DLGAP1: variants seen among roughly 807,000 people sequenced by gnomAD.
The protein encoded by DLGAP1 is DLG associated protein 1.
A neutral mutation model predicts 90.8 loss-of-function variants in DLGAP1; 11 were observed. That is an observed-to-expected ratio of 0.12 (90% CI 0.08 to 0.20). The LOEUF is 0.20. Among genes scored for constraint, DLGAP1 ranks in the 10% least tolerant of loss-of-function variants. The pLI is 1.00. For synonymous variants in DLGAP1, 558 were observed against 540.7 expected (o/e 1.03, Z -0.44); for missense variants, 1,050 against 1,333.8 (o/e 0.79, Z 3.31).
chr18:3,741,199 A>C (rs2062986957), intron 6 of DLGAP1, among the ~76,000 whole-genome samples: 2 of 65,100 alleles, frequency 3.1e-5, no homozygotes, highest in Non-Finnish European at 3.1e-5. Flanking sequence ...CACCACCACC[A>C]AATCACCACC....
chr18:3,835,165 A>T (rs2068295665), intron 4 of DLGAP1, among the ~76,000 whole-genome samples: 1 of 152,168 alleles, frequency 6.6e-6, no homozygotes, highest in South Asian at 2.1e-4. Flanking sequence ...TTAAACTTTG[A>T]ATTTTCCCAT....
At chr18:3,602,105 G>A (rs1465103453) in intron 7 of DLGAP1, among the ~76,000 whole-genome samples, 1 of 152,114 alleles carries the variant, frequency 6.6e-6, no homozygotes, top group African/African-American at 2.4e-5. Flanking sequence ...TGTACAAGCC[G>A]GGTGCCGCGC....
At chr18:4,451,808 A>T (rs1210879887) in intron 1 of DLGAP1, among the ~76,000 whole-genome samples, 1 of 152,202 alleles carries the variant, frequency 6.6e-6, no homozygotes, top group Non-Finnish European at 1.5e-5. Context: ...ATTTTTCTAC[A>T]ATGCTAGCAA....
At chr18:3,577,774 G>A (rs2055243314) in intron 8 of DLGAP1, among the ~76,000 whole-genome samples, 1 of 152,044 alleles carries the variant, frequency 6.6e-6, no homozygotes, top group Non-Finnish European at 1.5e-5. Flanking sequence ...TTTACTCTTA[G>A]CTCCAAATAT....
intron 11 of DLGAP1, among the ~76,000 whole-genome samples, chr18:3,502,950 G>A (rs1018025009): frequency 7.9e-5 from 12 of 151,438 alleles, no homozygotes; most frequent in South Asian, 4.2e-4. Context: ...ACTACAGGAC[G>A]TATTTTAAAA....
intron 5 of DLGAP1, among the ~76,000 whole-genome samples, chr18:3,783,741 C>T (rs1247972125): frequency 6.6e-6 from 1 of 152,092 alleles, no homozygotes; most frequent in African/African-American, 2.4e-5. Context: ...GCATCGTACA[C>T]TTAAAAAATG....
intron 7 of DLGAP1, among the ~76,000 whole-genome samples, chr18:3,668,232 T>A (rs896209307): frequency 6.6e-6 from 1 of 152,200 alleles, no homozygotes; most frequent in Admixed American, 6.5e-5. Flanking sequence ...AACAGAAGCC[T>A]GTCTTTTCTT....
At chr18:4,321,963 CTA>C (rs1491145081) in intron 1 of DLGAP1, among the ~76,000 whole-genome samples, 1,156 of 111,838 alleles carry the variant, frequency 0.01, 19 homozygotes, top group African/African-American at 0.045. Flanking sequence ...TTTGGGAGGC[CTA>C]GGGGGGTGGA....
rs139782884 is a variant in DLGAP1, at chr18:4,410,898, T to C, written c.-267+44108A>G. 2.2e-3 allele frequency among the ~76,000 whole-genome samples: 335 copies of C among 152,270 alleles called. 1 individual carries two copies. Among genetic ancestry groups the C allele is most frequent in the African/African-American group, 7.4e-3 (306 of 41,560 alleles). On this transcript the variant is annotated intron_variant, in intron 1 of 12. Transcript: ENST00000315677. ...CCCCACTTCAACCTGAGGTAATCGT[T>C]TTCCCAGCTCCAGGAGTTTTGCCTG...
chr18:4,175,522 GT>G (rs527564262), intron 1 of DLGAP1, among the ~76,000 whole-genome samples: 1,913 of 152,166 alleles, frequency 0.013, 58 homozygotes, highest in African/African-American at 0.044. Context: ...TATTGCCTAG[GT>G]TTTTTTCTAG....
intron 10 of DLGAP1, among the ~76,000 whole-genome samples, chr18:3,522,261 C>T (rs540989805): frequency 3.3e-5 from 5 of 151,588 alleles, no homozygotes; most frequent in African/African-American, 7.3e-5. Context: ...CTCAGCCTCC[C>T]GAGTAGCTGG....
At chr18:3,883,061 T>G (rs1599101730) in intron 3 of DLGAP1, among the ~76,000 whole-genome samples, 1 of 152,152 alleles carries the variant, frequency 6.6e-6, no homozygotes, top group African/African-American at 2.4e-5. Context: ...CTAGCCAACA[T>G]GGTGAAACCT....
chr18:4,252,361 G>A (rs937546147), intron 1 of DLGAP1, among the ~76,000 whole-genome samples: 3 of 152,164 alleles, frequency 2.0e-5, no homozygotes, highest in Non-Finnish European at 4.4e-5. Context: ...AGCAATTTGG[G>A]GGAAGGGATA....
At chr18:4,279,929 G>C (rs2079511003) in intron 1 of DLGAP1, among the ~76,000 whole-genome samples, 1 of 152,036 alleles carries the variant, frequency 6.6e-6, no homozygotes, top group Non-Finnish European at 1.5e-5. Flanking sequence ...CCAAAAATCT[G>C]ATTTATTCGT....
At chr18:3,670,469 C>T (rs1029472168) in intron 7 of DLGAP1, among the ~76,000 whole-genome samples, 1 of 152,158 alleles carries the variant, frequency 6.6e-6, no homozygotes, top group Non-Finnish European at 1.5e-5. Context: ...GCTGTCTCTC[C>T]CATTTATTCC....
intron 1 of DLGAP1, among the ~76,000 whole-genome samples, chr18:4,253,288 A>G (rs1167895597): frequency 5.3e-5 from 8 of 152,232 alleles, no homozygotes; most frequent in Non-Finnish European, 2.9e-5. Context: ...TTACAAAAGA[A>G]TAAGCAGTGG....
intron 1 of DLGAP1, among the ~76,000 whole-genome samples, chr18:4,335,015 G>T (rs1051260983): frequency 6.6e-6 from 1 of 151,840 alleles, no homozygotes; most frequent in Non-Finnish European, 1.5e-5. Context: ...CAATAGCTGT[G>T]TTGTGACAAT....
intron 7 of DLGAP1, among the ~76,000 whole-genome samples, chr18:3,586,327 A>T (rs977111109): frequency 1.3e-5 from 2 of 152,138 alleles, no homozygotes; most frequent in Admixed American, 6.6e-5. Flanking sequence ...CCATGTTGTT[A>T]TACGGAGGGG....
intron 8 of DLGAP1, among the ~76,000 whole-genome samples, chr18:3,569,708 C>A (rs531434507): frequency 6.6e-6 from 1 of 152,100 alleles, no homozygotes; most frequent in Non-Finnish European, 1.5e-5. Context: ...TGTACTACCT[C>A]CCTTGGGTTA....
Sources: allele counts gnomAD v4.1 joint callset (sites outside exome capture counted in the v4.1 genomes callset), GRCh38; gene constraint gnomAD v4.1.1; transcripts MANE v1.5; gene names NCBI Gene and HGNC (gene_info 2026-07-23, HGNC 2026-07-21).